The following CDH20 variants were observed in gnomAD, a reference collection of about 807,000 sequenced individuals.
CDH20 encodes cadherin-20.
A neutral mutation model predicts 74.2 loss-of-function variants in CDH20; 29 were observed. That is an observed-to-expected ratio of 0.39 (90% CI 0.29 to 0.53). The LOEUF (loss-of-function observed/expected upper bound fraction) is 0.53, where lower values mean the gene tolerates loss of function less well. Among genes scored for constraint, CDH20 ranks in the 20% least tolerant of loss-of-function variants. CDH20 has a pLI of 0.69. For synonymous variants in CDH20, 469 were observed against 405.4 expected (o/e 1.16, Z -1.88); for missense variants, 988 against 1,048.3 (o/e 0.94, Z 0.79).
chr18:61,512,460 G>A (rs1245262383), intron 6 of CDH20, among the ~76,000 whole-genome samples: 1 of 151,910 alleles, frequency 6.6e-6, no homozygotes, highest in Admixed American at 6.6e-5. Context: ...TTGTCTTATG[G>A]GTCATTTAAG....
intron 1 of CDH20, among the ~76,000 whole-genome samples, chr18:61,373,843 A>C (rs1599043296): frequency 1.3e-5 from 2 of 152,094 alleles, no homozygotes; most frequent in East Asian, 3.9e-4. Flanking sequence ...GGGAAGATCA[A>C]CTTTCTCCCC....
chr18:61,342,246 A>T (rs1238660279), intron 1 of CDH20, among the ~76,000 whole-genome samples: 2 of 152,172 alleles, frequency 1.3e-5, no homozygotes, highest in African/African-American at 4.8e-5. Flanking sequence ...CAGAGCAAAA[A>T]AATAAATAAA....
intron 1 of CDH20, among the ~76,000 whole-genome samples, chr18:61,395,904 A>G (rs1306803981): frequency 6.6e-6 from 1 of 152,140 alleles, no homozygotes; most frequent in Non-Finnish European, 1.5e-5. Flanking sequence ...GTGGTGGCAC[A>G]TGCCTGTAAT....
intron 6 of CDH20, among the ~76,000 whole-genome samples, chr18:61,524,057 T>TAAC (rs961576075): frequency 6.6e-6 from 1 of 151,124 alleles, no homozygotes; most frequent in Admixed American, 6.6e-5. Context: ...ATTTAAAGTA[T>TAAC]AATAATAATA....
At chr18:61,470,439 T>A (rs1910125539) in intron 1 of CDH20, among the ~76,000 whole-genome samples, 1 of 152,226 alleles carries the variant, frequency 6.6e-6, no homozygotes, top group African/African-American at 2.4e-5. Context: ...AAGTTCCTAC[T>A]GTGAGGGAGG....
chr18:61,426,392 C>A (rs1453558384), intron 1 of CDH20, among the ~76,000 whole-genome samples: 2 of 151,994 alleles, frequency 1.3e-5, no homozygotes, highest in Non-Finnish European at 2.9e-5. Flanking sequence ...TTGAAAATGA[C>A]CTTCAAAGCC....
chr18:61,336,734 G>A (rs1909772394), intron 1 of CDH20, among the ~76,000 whole-genome samples: 1 of 151,452 alleles, frequency 6.6e-6, no homozygotes, highest in Non-Finnish European at 1.5e-5. Flanking sequence ...TTTTGCTGAT[G>A]GTGTTCTATG....
intron 1 of CDH20, among the ~76,000 whole-genome samples, chr18:61,460,757 G>A (rs903483525): frequency 6.6e-6 from 1 of 152,106 alleles, no homozygotes; most frequent in Non-Finnish European, 1.5e-5. Context: ...AAGCTGTTTT[G>A]CAGAGGCTTT....
chr18:61,432,244 CAAA>C (rs552208549), intron 1 of CDH20, among the ~76,000 whole-genome samples: 4 of 81,766 alleles, frequency 4.9e-5, no homozygotes, highest in Admixed American at 1.4e-4. Flanking sequence ...AACTCTATCT[CAAA>C]AAAAAAAAAA....
intron 9 of CDH20, among the ~76,000 whole-genome samples, chr18:61,544,145 G>C (rs771208659): frequency 6.6e-6 from 1 of 152,242 alleles, no homozygotes; most frequent in Non-Finnish European, 1.5e-5. Flanking sequence ...GTTTCACATG[G>C]AACGGGAGAG....
At position 61,499,387 on chromosome 18, in the gene CDH20, G is replaced by A. The variant is rs1367417661; in HGVS notation, c.448G>A (p.Glu150Lys). The A allele has an allele frequency of 6.2e-7, 1 of 1,614,154 alleles. No homozygotes were observed. Residue 150 changes from glutamate (E) to lysine (K), a missense_variant, in exon 3 of 12, where the codon GAG becomes AAG. Coordinates refer to ENST00000262717, the MANE Select transcript of CDH20 (RefSeq NM_031891.4). The stretch of plus-strand genomic sequence containing the variant: ...GGGCAGGCCAATGGAGCCCGAGTCA[G>A]AGTTCATCATCAAAATTCAAGACAT... ...RTGRPMEPES[E>K]FIIKIQDIND...
intron 1 of CDH20, among the ~76,000 whole-genome samples, chr18:61,363,378 C>T (rs569992876): frequency 6.6e-6 from 1 of 152,216 alleles, no homozygotes; most frequent in African/African-American, 2.4e-5. Context: ...TACTCTCCAT[C>T]AAGTAATAAT....
chr18:61,387,266 T>C (rs1463052555), intron 1 of CDH20, among the ~76,000 whole-genome samples: 1 of 152,224 alleles, frequency 6.6e-6, no homozygotes, highest in Non-Finnish European at 1.5e-5. Context: ...CCAGCTTTCT[T>C]ACCACAGCAA....
At chr18:61,536,172 T>C (rs1347704378) in intron 7 of CDH20, among the ~76,000 whole-genome samples, 1 of 152,232 alleles carries the variant, frequency 6.6e-6, no homozygotes, top group African/African-American at 2.4e-5. Flanking sequence ...ATACTCAGGA[T>C]GTCCCAAAAT....
rs537714621 is a variant in CDH20 at position 61,497,134 on chromosome 18, A to G, written c.247-2052A>G. Among the ~76,000 whole-genome samples the G allele has an allele frequency of 7.3e-5, 11 of 150,932 alleles. No individual in the cohort carries two copies. In the East Asian group the frequency reaches 2.1e-3, roughly 29 times the overall value. On this transcript the variant is annotated intron_variant, in intron 2 of 11. Transcript: ENST00000262717. The stretch of plus-strand genomic sequence containing the variant: ...AAGAAAGAAAGAAAGAAAAAAGAAA[A>G]TACTGTATACGAAATGAGGAAATGT...
At chr18:61,455,926 G>C (rs796132214) in intron 1 of CDH20, among the ~76,000 whole-genome samples, 1 of 152,142 alleles carries the variant, frequency 6.6e-6, no homozygotes, top group East Asian at 1.9e-4. Context: ...GCATCTTCAC[G>C]TTGAGCATTG....
chr18:61,554,697 G>T lies in CDH20; in HGVS notation c.*2G>T. 4 of 1,556,670 alleles carry T rather than the reference G, an allele frequency of 2.6e-6. No homozygotes were observed. The highest frequency in any genetic ancestry group is 2.6e-6 in the Non-Finnish European group (3 of 1,151,086). On this transcript the variant is annotated 3_prime_UTR_variant, in exon 12 of 12. Coordinates refer to ENST00000262717, the MANE Select transcript of CDH20 (RefSeq NM_031891.4). ...GAGGGACCCGCGCCGCTGTGGTGAC[G>T]GAAGCCAGGAGGCAGGCGCGCGTCC...
At chr18:61,362,600 G>A (rs1182633851) in intron 1 of CDH20, among the ~76,000 whole-genome samples, 1 of 152,116 alleles carries the variant, frequency 6.6e-6, no homozygotes, top group African/African-American at 2.4e-5. Context: ...CTACGGAGAT[G>A]AAAGTATGAG....
At chr18:61,431,305 G>T (rs779253355) in intron 1 of CDH20, among the ~76,000 whole-genome samples, 10 of 152,232 alleles carry the variant, frequency 6.6e-5, no homozygotes, top group African/African-American at 2.4e-4. Flanking sequence ...TCTGAGAAAC[G>T]AAAGAAATAT....
Sources: allele counts gnomAD v4.1 joint callset (sites outside exome capture counted in the v4.1 genomes callset), GRCh38; gene constraint gnomAD v4.1.1; transcripts MANE v1.5; gene names NCBI Gene and HGNC (gene_info 2026-07-23, HGNC 2026-07-21).